The following INPP5B variants were observed in gnomAD, a reference collection of about 807,000 sequenced individuals.
The protein encoded by INPP5B is inositol polyphosphate-5-phosphatase B.
A neutral mutation model predicts 118.5 loss-of-function variants in INPP5B; 90 were observed. That is an observed-to-expected ratio of 0.76 (90% CI 0.64 to 0.90). The LOEUF is 0.90. Ranked by LOEUF, INPP5B falls within the 40% of genes least tolerant of loss-of-function variation. INPP5B has a pLI of 0.00. For synonymous variants in INPP5B, 385 were observed against 418.9 expected, an observed-to-expected ratio of 0.92 and a Z score of 0.99; for missense variants, 984 against 1,125.6, an observed-to-expected ratio of 0.87 and a Z score of 1.80.
At chr1:37,866,393 C>G in intron 21 of INPP5B, 66 bp downstream of exon 21, 1 of 741,080 alleles carries the variant, frequency 1.3e-6, no homozygotes, top group Non-Finnish European at 2.3e-6. Flanking sequence ...TATTCTCTCT[C>G]TCTCTCTCTC....
chr1:37,901,992 A>AT (rs34179585), intron 7 of INPP5B, among the ~76,000 whole-genome samples: 84,812 of 148,334 alleles, frequency 0.57, 26,301 homozygotes, highest in Non-Finnish European at 0.71. Flanking sequence ...CCTCTATTAA[A>AT]TTTTTTTTTT....
At chr1:37,863,036 G>A (rs895796453) in intron 23 of INPP5B, among the ~76,000 whole-genome samples, 16 of 152,048 alleles carry the variant, frequency 1.1e-4, no homozygotes, top group African/African-American at 3.1e-4. Flanking sequence ...GTGGGGGCTC[G>A]TCCCCAGGAT....
chr1:37,902,105 C>A (rs1644354555), intron 7 of INPP5B, among the ~76,000 whole-genome samples: 1 of 151,874 alleles, frequency 6.6e-6, no homozygotes, highest in Non-Finnish European at 1.5e-5. Flanking sequence ...CCTGCCTCAG[C>A]CTCTCAAGAA....
chr1:37,926,535 G>A (rs1645237246), intron 7 of INPP5B, among the ~76,000 whole-genome samples: 1 of 152,142 alleles, frequency 6.6e-6, no homozygotes, highest in African/African-American at 2.4e-5. Flanking sequence ...GCCCACCTCG[G>A]CCTCTGAAAG....
At chr1:37,866,017 T>C in intron 21 of INPP5B, 129 bp from the exon 22 acceptor site, 1 of 1,440,720 alleles carries the variant, frequency 6.9e-7, no homozygotes, top group Admixed American at 2.2e-5. Flanking sequence ...GATGCCAGCC[T>C]AACTTCTCGA....
At chr1:37,895,576 G>A (rs559639796) in intron 7 of INPP5B, among the ~76,000 whole-genome samples, 3 of 151,182 alleles carry the variant, frequency 2.0e-5, no homozygotes, top group East Asian at 2.0e-4. Flanking sequence ...GAAGCTGGAC[G>A]GTACTGCTGC....
intron 7 of INPP5B, among the ~76,000 whole-genome samples, chr1:37,902,349 C>T (rs1644362350): frequency 6.6e-6 from 1 of 152,022 alleles, no homozygotes; most frequent in African/African-American, 2.4e-5. Flanking sequence ...TTAGTTTAGG[C>T]CCTTAATGTT....
chr1:37,936,695 G>A (rs971488779), intron 6 of INPP5B, among the ~76,000 whole-genome samples: 2 of 151,610 alleles, frequency 1.3e-5, no homozygotes, highest in African/African-American at 2.4e-5. Context: ...AGCAAAACAC[G>A]CAAGGGCTCA....
At chr1:37,883,585 TGCACAGCAGTACAC>T in intron 13 of INPP5B, 1 of 985,404 alleles carries the variant, frequency 1.0e-6, no homozygotes, top group Non-Finnish European at 1.2e-6. Context: ...TTAGAGAATC[TGCACAGCAGTACAC>T]GCACACCAAA....
intron 7 of INPP5B, chr1:37,929,793 G>A (rs1045811158): frequency 6.6e-6 from 1 of 152,262 alleles, no homozygotes; most frequent in African/African-American, 2.4e-5. Flanking sequence ...GAATGCAATG[G>A]CACGATCTCG....
intron 18 of INPP5B, chr1:37,873,466 C>G (rs1017660106): frequency 3.1e-5 from 12 of 392,068 alleles, no homozygotes; most frequent in Non-Finnish European, 5.2e-5. Context: ...AGGCATGGAT[C>G]AAAGAGCCTT....
At chr1:37,917,725 T>A (rs965039430) in intron 7 of INPP5B, among the ~76,000 whole-genome samples, 3 of 151,820 alleles carry the variant, frequency 2.0e-5, no homozygotes, top group Non-Finnish European at 4.4e-5. Context: ...GGACCAGGAG[T>A]TCGAGACTAG....
At chr1:37,883,430 G>A (rs1643329584) in intron 13 of INPP5B, 1 of 985,398 alleles carries the variant, frequency 1.0e-6, no homozygotes, top group Non-Finnish European at 1.2e-6. Flanking sequence ...ATCATTGGTT[G>A]GCTCTTTCTG....
chr1:37,904,652 C>T (rs573911067), intron 7 of INPP5B, among the ~76,000 whole-genome samples: 6 of 152,124 alleles, frequency 3.9e-5, no homozygotes, highest in African/African-American at 7.2e-5. Context: ...CCGAGGTGGG[C>T]GGATCACCTG....
chr1:37,944,104 C>T (rs1225092062), intron 3 of INPP5B, among the ~76,000 whole-genome samples: 3 of 152,180 alleles, frequency 2.0e-5, no homozygotes, highest in Non-Finnish European at 4.4e-5. Flanking sequence ...GAACTTTTCT[C>T]ATCTGCAGGA....
At chr1:37,938,415 A>G (rs1557727076) in intron 6 of INPP5B, among the ~76,000 whole-genome samples, 1 of 152,220 alleles carries the variant, frequency 6.6e-6, no homozygotes, top group Non-Finnish European at 1.5e-5. Context: ...AATGTGAGCT[A>G]CGAGTCTTCT....
intron 7 of INPP5B, among the ~76,000 whole-genome samples, chr1:37,910,294 G>T (rs542540308): frequency 1.3e-5 from 2 of 152,204 alleles, no homozygotes; most frequent in Non-Finnish European, 2.9e-5. Flanking sequence ...ACTGTTGTGG[G>T]TATTGACAGC....
intron 3 of INPP5B, 40 bp from the exon 4 acceptor site, chr1:37,943,933 G>T: frequency 2.1e-6 from 3 of 1,450,478 alleles, no homozygotes; most frequent in Non-Finnish European, 2.9e-6. Flanking sequence ...GGGCCCGCTG[G>T]CTGTCCCTCA....
chr1:37,913,160 G>A (rs1381853263), intron 7 of INPP5B, among the ~76,000 whole-genome samples: 1 of 152,174 alleles, frequency 6.6e-6, no homozygotes, highest in East Asian at 1.9e-4. Context: ...GGGAGGCTGA[G>A]GCAGGAGAAT....
Sources: gnomAD v4.1 joint callset for allele counts (sites outside exome capture counted in the v4.1 genomes callset) on GRCh38, gnomAD v4.1.1 for gene constraint, MANE v1.5 for transcripts, NCBI Gene and HGNC (gene_info 2026-07-23, HGNC 2026-07-21) for gene names.